Variants in COPB1 observed in about 807,000 individuals in gnomAD.
The protein encoded by COPB1 is coat protein complex I subunit beta 1.
A neutral mutation model predicts 108.7 loss-of-function variants in COPB1; 21 were observed. That is an observed-to-expected ratio of 0.19 (90% CI 0.14 to 0.28). The LOEUF (loss-of-function observed/expected upper bound fraction) is 0.28. COPB1 is among the 10% of genes least tolerant of loss of function. The pLI, the probability that COPB1 is intolerant of heterozygous loss-of-function variation, is 1.00. For synonymous variants in COPB1, 378 were observed against 386.8 expected (o/e 0.98, Z 0.27); for missense variants, 919 against 1,141.3 (o/e 0.81, Z 2.81).
chr11:14,469,964 C>T (rs1850366002), intron 14 of COPB1, among the ~76,000 whole-genome samples: 1 of 152,110 alleles, frequency 6.6e-6, no homozygotes, highest in African/African-American at 2.4e-5. Context: ...TTTTGGCTGA[C>T]ATGTGAAAAA....
intron 8 of COPB1, 53 bp downstream of exon 8, chr11:14,482,979 C>T (rs1850694274): frequency 6.9e-7 from 1 of 1,455,632 alleles, no homozygotes; most frequent in African/African-American, 1.4e-5. Flanking sequence ...TGAGAATGAC[C>T]TAAATTTGAA....
In COPB1 at chr11:14,474,466, T is replaced by C. The variant is rs374250728; in HGVS notation, c.1737+29A>G. 17 of 1,604,954 alleles carry C rather than the reference T, an allele frequency of 1.1e-5. No homozygotes were observed. The African/African-American group carries it at 1.6e-4, about 15-fold the overall frequency. The stretch of plus-strand genomic sequence containing the variant: ...ATAGTAGGCACTCAATGTTTAATTG[T>C]TGGTTAAATGTAAAATAAATGAACT... On this transcript the variant is annotated intron_variant, in intron 14 of 21. Transcript: ENST00000439561.
chr11:14,481,182 T>C (rs1222835285), intron 8 of COPB1, 85 bp from the exon 9 acceptor site: 8 of 961,892 alleles, frequency 8.3e-6, no homozygotes, highest in Middle Eastern at 4.6e-4. Context: ...GTGGGGTTTA[T>C]CTATCATCAC....
At position 14,458,643 on chromosome 11, in the gene COPB1, A is replaced by G; in HGVS notation, c.2691T>C (p.Ala897=). 6.2e-7 allele frequency: 1 copy of G among 1,613,598 alleles called. No homozygotes were observed. The highest frequency in any genetic ancestry group is 8.5e-7 in the Non-Finnish European group (1 of 1,179,800). Residue 897 remains alanine, a synonymous_variant, in exon 21 of 22, where the codon GCT becomes GCC. Coordinates refer to ENST00000439561, the MANE Select transcript of COPB1 (RefSeq NM_001144061.2). The stretch of plus-strand genomic sequence containing the variant: ...GTGCATCTTCACCAAATATGGAACG[A>G]GCATAAAGGTTGGCTGCCATAAAGC... ...YCGFMAANLY[A]RSIFGEDALA...
At chr11:14,496,127 C>G (rs1851011835) in intron 2 of COPB1, among the ~76,000 whole-genome samples, 2 of 152,158 alleles carry the variant, frequency 1.3e-5, no homozygotes, top group Non-Finnish European at 2.9e-5. Flanking sequence ...AAACTATCTT[C>G]TAAAAGATCC....
At chr11:14,466,030 A>G (rs1850273847) in intron 17 of COPB1, among the ~76,000 whole-genome samples, 1 of 152,250 alleles carries the variant, frequency 6.6e-6, no homozygotes, top group Admixed American at 6.5e-5. Flanking sequence ...AACTAGAAAT[A>G]CTGACATTTG....
rs569856800 is a variant in COPB1 at position 14,478,943 on chromosome 11, G to A, written c.1358+626C>T. 7.6e-5 allele frequency: 9 copies of A among 118,168 alleles called. No individual in the cohort carries two copies. The South Asian group carries it at 1.1e-3, about 15-fold the overall frequency. 7.3% of individuals were successfully genotyped at this position (118,168 alleles called of 1,614,324 possible). ...TTTAGCAGGCTTTCTGGTTTTTGCC[G>A]GAAAGCCCTCTCACAAAAAAAAAAA... On this transcript the variant is annotated intron_variant, in intron 11 of 21. Coordinates refer to ENST00000439561, the MANE Select transcript of COPB1 (RefSeq NM_001144061.2).
chr11:14,465,949 T>C (rs1299944955), intron 17 of COPB1, among the ~76,000 whole-genome samples: 3 of 152,242 alleles, frequency 2.0e-5, no homozygotes, highest in African/African-American at 4.8e-5. Flanking sequence ...TACTTAGTTC[T>C]GTAATGAGGC....
intron 11 of COPB1, among the ~76,000 whole-genome samples, chr11:14,479,124 G>C (rs1002323850): frequency 3.9e-5 from 6 of 152,052 alleles, no homozygotes; most frequent in Non-Finnish European, 5.9e-5. Context: ...AAGTCTGTTA[G>C]AGACTATCCA....
chr11:14,490,247 T>A (rs534844386), intron 5 of COPB1, among the ~76,000 whole-genome samples: 1 of 152,290 alleles, frequency 6.6e-6, no homozygotes, highest in South Asian at 2.1e-4. Flanking sequence ...AGCTACTATT[T>A]TTCTCTACTA....
chr11:14,460,131 G>C (rs1850111586), intron 20 of COPB1, 77 bp downstream of exon 20: 1 of 858,884 alleles, frequency 1.2e-6, no homozygotes, highest in African/African-American at 1.7e-5. Context: ...ACAAAAATGT[G>C]CTAGAGGAAA....
chr11:14,465,246 A>G (rs746538989), intron 17 of COPB1, among the ~76,000 whole-genome samples: 1 of 152,196 alleles, frequency 6.6e-6, no homozygotes, highest in Non-Finnish European at 1.5e-5. Flanking sequence ...ATTATTCACC[A>G]TCAATAGGCA....
chr11:14,486,201 G>A (rs1319920043), intron 7 of COPB1, among the ~76,000 whole-genome samples, 166 bp downstream of exon 7: 2 of 152,220 alleles, frequency 1.3e-5, no homozygotes, highest in African/African-American at 4.8e-5. Flanking sequence ...CAGGAAGGAA[G>A]AAAAGAAGGA....
intron 14 of COPB1, chr11:14,473,945 A>AT: frequency 6.6e-6 from 1 of 151,780 alleles, no homozygotes. Flanking sequence ...ACTTTCTATT[A>AT]TTTTTTACTG....
At chr11:14,478,112 C>T (rs1850569368) in intron 11 of COPB1, among the ~76,000 whole-genome samples, 1 of 151,944 alleles carries the variant, frequency 6.6e-6, no homozygotes, top group Admixed American at 6.6e-5. Context: ...TCAGTTCTCT[C>T]CAGAAATCAC....
intron 14 of COPB1, 138 bp downstream of exon 14, chr11:14,474,357 G>T (rs1850470705): frequency 1.5e-6 from 1 of 669,058 alleles, no homozygotes; most frequent in Non-Finnish European, 2.4e-6. Context: ...ATATATTACT[G>T]TGTCCACTTC....
intron 8 of COPB1, 50 bp downstream of exon 8, chr11:14,482,982 A>C (rs1375055527): frequency 2.0e-6 from 3 of 1,463,946 alleles, no homozygotes; most frequent in Admixed American, 4.2e-5. Context: ...GAATGACCTA[A>C]ATTTGAAAAA....
intron 12 of COPB1, 72 bp from the exon 13 acceptor site, chr11:14,476,017 T>C: frequency 7.4e-7 from 1 of 1,356,086 alleles, no homozygotes; most frequent in East Asian, 2.4e-5. Flanking sequence ...AAATATTTGA[T>C]TGTTTCTCTA....
At chr11:14,473,319 CT>C (rs1347483709) in intron 14 of COPB1, among the ~76,000 whole-genome samples, 1 of 152,148 alleles carries the variant, frequency 6.6e-6, no homozygotes, top group Non-Finnish European at 1.5e-5. Context: ...TTTTAATTTC[CT>C]TTAAGAGCAT....
Sources: gnomAD v4.1 joint callset for allele counts (sites outside exome capture counted in the v4.1 genomes callset) on GRCh38, gnomAD v4.1.1 for gene constraint, MANE v1.5 for transcripts, NCBI Gene and HGNC (gene_info 2026-07-23, HGNC 2026-07-21) for gene names.